Variants in ABL1 observed in about 807,000 individuals in gnomAD.
The protein encoded by ABL1 is tyrosine-protein kinase ABL1.
In ABL1, 11 loss-of-function variants were observed where a neutral mutation model predicts 94.7. The observed-to-expected ratio is 0.12, with a 90% CI of 0.07 to 0.19. The LOEUF is 0.19. Among genes scored for constraint, ABL1 ranks in the 10% least tolerant of loss-of-function variants. The pLI is 1.00. For synonymous variants in ABL1, 656 were observed against 622.4 expected (o/e 1.05, Z -0.80); for missense variants, 1,082 against 1,489.4 (o/e 0.73, Z 4.50).
intron 1 of ABL1, among the ~76,000 whole-genome samples, chr9:130,813,249 G>T (rs905920537): frequency 9.3e-5 from 14 of 149,814 alleles, no homozygotes. Flanking sequence ...GTGAATGTAA[G>T]CTGATTCAAT....
intron 1 of ABL1, among the ~76,000 whole-genome samples, chr9:130,764,888 G>A (rs1165273309): frequency 6.6e-6 from 1 of 151,976 alleles, no homozygotes; most frequent in Non-Finnish European, 1.5e-5. Flanking sequence ...CCTGGGAGGT[G>A]GAGGTTGCAG....
intron 1 of ABL1, among the ~76,000 whole-genome samples, chr9:130,775,569 A>G (rs1832301037): frequency 6.6e-6 from 1 of 152,174 alleles, no homozygotes; most frequent in Non-Finnish European, 1.5e-5. Context: ...GAAATTATAC[A>G]AAACGCAGCA....
At chr9:130,788,074 T>C (rs754037643) in intron 1 of ABL1, among the ~76,000 whole-genome samples, 22 of 152,356 alleles carry the variant, frequency 1.4e-4, no homozygotes, top group Non-Finnish European at 1.2e-4. Context: ...AGCAGAATTA[T>C]GTAAGTAAAA....
intron 1 of ABL1, among the ~76,000 whole-genome samples, chr9:130,730,355 T>G (rs1831648838): frequency 6.6e-6 from 1 of 152,046 alleles, no homozygotes; most frequent in Non-Finnish European, 1.5e-5. Flanking sequence ...GGCCAGACTT[T>G]TAAATGTTAG....
exon 1 of ABL1, chr9:130,714,256 C>T (rs1466217086): frequency 1.5e-4 from 225 of 1,488,548 alleles, no homozygotes; most frequent in East Asian, 1.2e-4. Flanking sequence ...TTTCCCTCTA[C>T]GCTCGCTGAC....
chr9:130,729,402 A>G (rs1050032213), intron 1 of ABL1, among the ~76,000 whole-genome samples: 2 of 152,004 alleles, frequency 1.3e-5, no homozygotes, highest in Non-Finnish European at 2.9e-5. Context: ...CTTCTCTCAG[A>G]TTTCTTGCCC....
chr9:130,799,360 C>T (rs893075739), intron 1 of ABL1, among the ~76,000 whole-genome samples: 1 of 152,154 alleles, frequency 6.6e-6, no homozygotes, highest in Non-Finnish European at 1.5e-5. Flanking sequence ...GGCAGATTGA[C>T]ACTAGGAAAG....
In ABL1 at chr9:130,886,618, C is replaced by T; in HGVS notation, c.*935C>T. On this transcript the variant is annotated 3_prime_UTR_variant, in exon 11 of 11. Transcript: ENST00000318560. ...TGGGCCCAGGCAGGTCTGCAAGGGC[C>T]CAGAGTGAACCGTCCTTTCACACAT... is the stretch of plus-strand genomic sequence containing the variant. The T allele has an allele frequency of 4.3e-6, 1 of 233,616 alleles. No homozygotes were observed. Among genetic ancestry groups the T allele is most frequent in the East Asian group, 6.0e-5 (1 of 16,578 alleles). The allele number at this position is 233,616 out of a possible 1,614,324, so 14.5% of individuals were successfully genotyped here.
chr9:130,839,080 T>TC (rs1473178221), intron 1 of ABL1, among the ~76,000 whole-genome samples: 3 of 151,596 alleles, frequency 2.0e-5, no homozygotes, highest in Admixed American at 6.6e-5. Context: ...AATTAAAATT[T>TC]TTTTTTTTTT....
chr9:130,874,492 T>TTAA (rs1167714225), intron 6 of ABL1, among the ~76,000 whole-genome samples: 1 of 152,224 alleles, frequency 6.6e-6, no homozygotes, highest in Non-Finnish European at 1.5e-5. Flanking sequence ...ATAACTGCAC[T>TTAA]TACTATTCTC....
chr9:130,883,691 TG>T (rs2133033943), intron 10 of ABL1, among the ~76,000 whole-genome samples: 1 of 152,276 alleles, frequency 6.6e-6, no homozygotes, highest in South Asian at 2.1e-4. Context: ...GTGGCTCTCC[TG>T]CCAGCCAGCT....
intron 4 of ABL1, among the ~76,000 whole-genome samples, chr9:130,870,786 T>C (rs1009599133): frequency 1.3e-5 from 2 of 152,186 alleles, no homozygotes. Flanking sequence ...ATAAATTGTT[T>C]CCAAGTTTCA....
intron 1 of ABL1, among the ~76,000 whole-genome samples, chr9:130,791,783 C>T (rs183421236): frequency 5.9e-5 from 9 of 152,218 alleles, no homozygotes; most frequent in East Asian, 5.8e-4. Context: ...CTTTCAGACT[C>T]GGACTGAGCC....
Position 130,719,045 on chromosome 9 carries a change from A to G in ABL1, c.136+4590A>G, listed in dbSNP as rs139973969. Among the ~76,000 whole-genome samples the G allele has an allele frequency of 3.7e-3, 570 of 152,274 alleles. 14 individuals carry two copies. The highest frequency in any genetic ancestry group is 0.029 in the Admixed American group (448 of 15,286). ...GGTATGGCCCCATTTTTGTAAAACA[A>G]AAATATCTGTTTATTTGTGTATGTC... On this transcript the variant is annotated intron_variant, in intron 1 of 10. Transcript: ENST00000372348.
At chr9:130,739,027 G>A (rs572857185) in intron 1 of ABL1, among the ~76,000 whole-genome samples, 7 of 152,000 alleles carry the variant, frequency 4.6e-5, no homozygotes, top group Non-Finnish European at 5.9e-5. Context: ...GGAGCCACCC[G>A]CTACAGGCGC....
intron 1 of ABL1, among the ~76,000 whole-genome samples, chr9:130,732,109 A>C (rs938562503): frequency 6.6e-6 from 1 of 151,904 alleles, no homozygotes; most frequent in Non-Finnish European, 1.5e-5. Flanking sequence ...TGGATCGAAC[A>C]GTATTTTTTT....
rs767538092 is a variant in ABL1, at chr9:130,880,170, T to G, written c.1513+13T>G. 4 of 1,611,166 alleles carry G rather than the reference T, an allele frequency of 2.5e-6. No homozygotes were observed. The Admixed American group carries it at 6.7e-5, about 27-fold the overall frequency. On this transcript the variant is annotated intron_variant, in intron 9 of 10. Coordinates refer to ENST00000318560, the MANE Select transcript of ABL1 (RefSeq NM_005157.6). The surrounding 1 kb of genome is among the most constrained non-coding windows in gnomAD (Gnocchi z 4.4). ...AGTATCTCAGACGGTAAAGTACCCA[T>G]CCCGGGGTACCTGCAGTGGGGTGAA...
intron 1 of ABL1, among the ~76,000 whole-genome samples, chr9:130,749,752 A>G (rs1318669635): frequency 6.6e-6 from 1 of 152,204 alleles, no homozygotes; most frequent in Non-Finnish European, 1.5e-5. Context: ...AACTTTGGAT[A>G]CTATAAAGTG....
At chr9:130,743,574 G>A (rs1831846876) in intron 1 of ABL1, among the ~76,000 whole-genome samples, 2 of 152,310 alleles carry the variant, frequency 1.3e-5, no homozygotes, top group South Asian at 4.1e-4. Context: ...ACACAGAGCA[G>A]CACAGCAAGA....
Sources: gnomAD v4.1 joint callset for allele counts (sites outside exome capture counted in the v4.1 genomes callset) on GRCh38, gnomAD v4.1.1 for gene constraint, Gnocchi (gnomAD v3.1) non-coding constraint, MANE v1.5 for transcripts, NCBI Gene and HGNC (gene_info 2026-07-23, HGNC 2026-07-21) for gene names.